HACD3: variants seen among roughly 807,000 people sequenced by gnomAD.
The protein encoded by HACD3 is very-long-chain (3R)-3-hydroxyacyl-CoA dehydratase 3.
A neutral mutation model predicts 55.2 loss-of-function variants in HACD3; 30 were observed. That is an observed-to-expected ratio of 0.54 (90% CI 0.41 to 0.74). The LOEUF is 0.74. HACD3 is among the 30% of genes least tolerant of loss of function. HACD3 has a pLI of 0.00. For synonymous variants in HACD3, 141 were observed against 151.7 expected (o/e 0.93, Z 0.52); for missense variants, 363 against 440.1 (o/e 0.82, Z 1.57).
At chr15:65,571,266 T>C (rs1346895435) in intron 8 of HACD3, among the ~76,000 whole-genome samples, 1 of 152,128 alleles carries the variant, frequency 6.6e-6, no homozygotes, top group East Asian at 1.9e-4. Flanking sequence ...ATATCAGCAC[T>C]AGGAATAAAG....
Position 65,576,387 on chromosome 15 carries a change from G to T in HACD3, c.*8G>T, listed in dbSNP as rs1356965380. 1 of 1,592,850 alleles carries T rather than the reference G, an allele frequency of 6.3e-7. No individual in the cohort carries two copies. Among genetic ancestry groups the T allele is most frequent in the South Asian group, 1.1e-5 (1 of 88,228 alleles). The stretch of plus-strand genomic sequence containing the variant: ...AAGAAAAAGATCCACTAAAAAGAAA[G>T]ATTTAGATGGCTTCTTGCCAGTTTG... On this transcript the variant is annotated 3_prime_UTR_variant, in exon 11 of 11. Coordinates refer to ENST00000261875, the MANE Select transcript of HACD3 (RefSeq NM_016395.4).
At chr15:65,560,854 T>G (rs949062182) in intron 5 of HACD3, among the ~76,000 whole-genome samples, 1 of 150,870 alleles carries the variant, frequency 6.6e-6, no homozygotes, top group African/African-American at 2.4e-5. Flanking sequence ...CCATGTAGAC[T>G]AGCTTGATGC....
intron 7 of HACD3, among the ~76,000 whole-genome samples, chr15:65,567,746 T>C (rs538311607): frequency 6.6e-6 from 1 of 152,262 alleles, no homozygotes; most frequent in South Asian, 2.1e-4. Context: ...TATGCTACAA[T>C]GTGGATGAAC....
At position 65,556,859 on chromosome 15, in the gene HACD3, C is replaced by T. The variant is rs1357373984; in HGVS notation, c.325C>T (p.Arg109Cys). ...ACTGTTTTTGGCTCCTGACTTTGAT[C>T]GTTGGCTGGATGAATCTGATGCGGA... ...RPLFLAPDFD[R>C]WLDESDAEME... The change falls in exon 4 of 11, where the codon CGT becomes TGT. Residue 109 changes from arginine (R) to cysteine (C), a missense_variant. By Grantham distance (180) the Arg-to-Cys change is radical (BLOSUM62 -3). Transcript: ENST00000261875. 2.5e-6 allele frequency: 4 copies of T among 1,612,870 alleles called. No individual in the cohort carries two copies. Among genetic ancestry groups the T allele is most frequent in the East Asian group, 2.2e-5 (1 of 44,878 alleles).
At chr15:65,558,839 G>A in intron 5 of HACD3, 108 bp downstream of exon 5, 1 of 1,338,436 alleles carries the variant, frequency 7.5e-7, no homozygotes, top group Non-Finnish European at 1.0e-6. Context: ...CCGGTGAGCT[G>A]TGTGGGTGAG....
chr15:65,553,556 A>G (rs1022096424), intron 2 of HACD3, among the ~76,000 whole-genome samples: 4 of 152,222 alleles, frequency 2.6e-5, no homozygotes, highest in African/African-American at 9.6e-5. Flanking sequence ...CTACTGTAAT[A>G]TACTTGCATG....
At chr15:65,539,216 T>A (rs1389949061) in intron 1 of HACD3, among the ~76,000 whole-genome samples, 20 of 132,554 alleles carry the variant, frequency 1.5e-4, no homozygotes, top group African/African-American at 5.7e-4. Flanking sequence ...AGGACTTTTT[T>A]TTTTTTTTTT....
intron 4 of HACD3, among the ~76,000 whole-genome samples, chr15:65,557,724 C>T (rs2072207386): frequency 6.6e-6 from 1 of 152,150 alleles, no homozygotes. Context: ...AATAATTATG[C>T]ATGTCTATTG....
intron 3 of HACD3, among the ~76,000 whole-genome samples, chr15:65,556,096 G>A (rs991128913): frequency 1.3e-5 from 2 of 152,166 alleles, no homozygotes; most frequent in Non-Finnish European, 2.9e-5. Context: ...TTTGGCACCA[G>A]GGACCAATTT....
intron 3 of HACD3, among the ~76,000 whole-genome samples, chr15:65,555,262 C>T (rs2072177991): frequency 6.6e-6 from 1 of 152,194 alleles, no homozygotes; most frequent in Non-Finnish European, 1.5e-5. Flanking sequence ...ATCCTTCCAG[C>T]TCTGATATTC....
Position 65,572,217 on chromosome 15 carries a change from T to C in HACD3, c.881-18T>C. ...ACTGTTTCATTTGCTTCTAACAAGT[T>C]CTTGTTTCTGTTTTCAGCTGTCTCA... On this transcript the variant is annotated intron_variant, in intron 9 of 10. Transcript: ENST00000261875. 6.2e-7 allele frequency: 1 copy of C among 1,610,524 alleles called. No homozygotes were observed. Among genetic ancestry groups the C allele is most frequent in the South Asian group, 1.1e-5 (1 of 89,780 alleles).
chr15:65,572,512 G>T, intron 10 of HACD3, 146 bp downstream of exon 10: 1 of 945,312 alleles, frequency 1.1e-6, no homozygotes, highest in Non-Finnish European at 1.5e-6. Flanking sequence ...ACCCACTAGG[G>T]GAATATGCTA....
intron 5 of HACD3, among the ~76,000 whole-genome samples, chr15:65,559,738 G>A (rs368349700): frequency 2.6e-5 from 4 of 151,982 alleles, no homozygotes. Flanking sequence ...CAGGAAAGCC[G>A]AGGAGGGGAG....
chr15:65,568,662 A>G (rs1157147390), intron 7 of HACD3, among the ~76,000 whole-genome samples: 1 of 152,084 alleles, frequency 6.6e-6, no homozygotes, highest in African/African-American at 2.4e-5. Context: ...CCCAGCCATT[A>G]TGTGTATTTT....
At chr15:65,561,871 C>T (rs965034394) in intron 5 of HACD3, among the ~76,000 whole-genome samples, 2 of 152,180 alleles carry the variant, frequency 1.3e-5, no homozygotes, top group Admixed American at 1.3e-4. Flanking sequence ...ATTACGGTTC[C>T]CACAACCCGC....
intron 2 of HACD3, chr15:65,552,011 A>G: frequency 3.2e-6 from 1 of 309,946 alleles, no homozygotes; most frequent in Admixed American, 4.7e-5. Context: ...TTCTGCCGCT[A>G]TCTTGGACAA....
chr15:65,557,283 G>A (rs1250345260), intron 4 of HACD3, among the ~76,000 whole-genome samples: 3 of 152,102 alleles, frequency 2.0e-5, no homozygotes, highest in African/African-American at 7.2e-5. Context: ...AGACCATCCT[G>A]GCTAGCACAG....
chr15:65,575,123 A>T (rs2072388090), intron 10 of HACD3, among the ~76,000 whole-genome samples: 1 of 151,814 alleles, frequency 6.6e-6, no homozygotes, highest in Admixed American at 6.6e-5. Context: ...CTAATTTCAC[A>T]TTTATAATTT....
chr15:65,553,513 C>A (rs900556730), intron 2 of HACD3, among the ~76,000 whole-genome samples: 1 of 152,122 alleles, frequency 6.6e-6, no homozygotes, highest in African/African-American at 2.4e-5. Flanking sequence ...ATTATTGGAG[C>A]ATAAAGAGTT....
Sources: allele counts gnomAD v4.1 joint callset (sites outside exome capture counted in the v4.1 genomes callset), GRCh38; gene constraint gnomAD v4.1.1; transcripts MANE v1.5; gene names NCBI Gene and HGNC (gene_info 2026-07-23, HGNC 2026-07-21).